TTN: variants seen among roughly 807,000 people sequenced by gnomAD.
TTN encodes titin.
TTN carries 1,525 observed loss-of-function variants against 3,223.0 expected under a neutral mutation model. That is an observed-to-expected ratio of 0.47 (90% CI 0.45 to 0.49). TTN has a LOEUF of 0.49. Ranked by LOEUF, TTN falls within the 20% of genes least tolerant of loss-of-function variation. The pLI is 0.00. For missense variants in TTN, 40,786 were observed against 43,424.0 expected, an observed-to-expected ratio of 0.94 and a Z score of 5.40; for synonymous variants, 14,094 against 15,161.0, an observed-to-expected ratio of 0.93 and a Z score of 5.17.
At chr2:178,527,912 A>T in intron 361 of TTN, 164 bp from the exon 362 acceptor site, 2 of 621,380 alleles carry the variant, frequency 3.2e-6, no homozygotes, top group South Asian at 2.8e-5. Context: ...TACATTTGTC[A>T]AGAGCTAGCT....
rs1368338710 is a variant in TTN at position 178,600,949 on chromosome 2, C to T, written c.55955G>A (p.Gly18652Asp). The T allele has an allele frequency of 1.2e-6, 2 of 1,613,006 alleles. No individual in the cohort carries two copies. Among genetic ancestry groups the T allele is most frequent in the African/African-American group, 1.3e-5 (1 of 74,968 alleles). ...TTTGACTCGGAATTCATATTCCCCA[C>T]CCTCTACTAGGTCTTCAACAGTAAA... ...LQFTVEDLVE[G>D]GEYEFRVKAV... The change falls in exon 288 of 363, where the codon GGT (glycine) becomes GAT (aspartate). Residue 18652 changes from glycine to aspartate, a missense_variant. Physicochemically the swap from Gly to Asp is moderately conservative, Grantham distance 94 (BLOSUM62 -1). Transcript: ENST00000589042.
chr2:178,597,866 GA>G, intron 293 of TTN, 41 bp downstream of exon 293: 1 of 1,612,414 alleles, frequency 6.2e-7, no homozygotes, highest in South Asian at 1.1e-5. Context: ...CCTTCAATCT[GA>G]AACATAAATA....
rs9808036 is a variant in TTN, at chr2:178,556,882, C to T, written c.88272G>A (p.Glu29424=). The change falls in exon 330 of 363, where the codon GAG becomes GAA. Residue 29424 remains glutamate, a synonymous_variant. Coordinates refer to ENST00000589042, the MANE Select transcript of TTN (RefSeq NM_001267550.2). ...NAVGSISNPS[E]VVGPITCIDS... Reference sequence around the variant, plus strand: ...CGATGCAAGTAATGGGCCCTACAACCTCAGATGGATTGCTAATGGAACCAA... The same window carrying T: ...CGATGCAAGTAATGGGCCCTACAACTTCAGATGGATTGCTAATGGAACCAA... The T allele has an allele frequency of 0.046, 74,626 of 1,613,688 alleles. 3,490 individuals carry two copies. The highest frequency in any genetic ancestry group is 0.18 in the Admixed American group (10,874 of 59,996).
chr2:178,708,922 G>T (rs1356384524), intron 99 of TTN, among the ~76,000 whole-genome samples: 11 of 152,130 alleles, frequency 7.2e-5, no homozygotes, highest in African/African-American at 2.7e-4. Flanking sequence ...CCATTACAGT[G>T]AAGAGAAACA....
chr2:178,766,990 T>C (rs938370348), intron 40 of TTN, among the ~76,000 whole-genome samples: 2 of 152,250 alleles, frequency 1.3e-5, no homozygotes, highest in African/African-American at 4.8e-5. Flanking sequence ...ATATGAATAA[T>C]AACTTTGTGG....
In TTN at chr2:178,620,167, A is replaced by G. The variant is rs749771984; in HGVS notation, c.46304+50T>C. 119 of 1,587,564 alleles carry G rather than the reference A, an allele frequency of 7.5e-5. No individual in the cohort carries two copies. The Admixed American group carries it at 2.2e-3, about 29-fold the overall frequency. On this transcript the variant is annotated intron_variant, in intron 248 of 362. Coordinates refer to ENST00000589042, the MANE Select transcript of TTN (RefSeq NM_001267550.2). Reference sequence around the variant, plus strand: ...TTGCAATGATGGCCACTAAATTGTCAAAAGTGTATATATAGCTACAGAAAT... The same window carrying G: ...TTGCAATGATGGCCACTAAATTGTCGAAAGTGTATATATAGCTACAGAAAT...
Position 178,734,687 on chromosome 2 carries a change from T to C in TTN, c.15217+20A>G, listed in dbSNP as rs1244123332. ...AATCTTTTCTCAGAAAAATACTGGA[T>C]GGAAACTCAGTAAACAAACCTTTGA... On this transcript the variant is annotated intron_variant, in intron 51 of 362. Transcript: ENST00000589042. 6.3e-7 allele frequency: 1 copy of C among 1,591,432 alleles called. No homozygotes were observed. The highest frequency in any genetic ancestry group is 8.6e-7 in the Non-Finnish European group (1 of 1,166,566).
Position 178,563,103 on chromosome 2 carries a change from G to T in TTN, c.83029C>A (p.Leu27677Ile), listed in dbSNP as rs1704290061. ...QERIEPPEIE[L>I]DADLRKVVVL... is the part of the protein sequence containing the mutation. Reference sequence around the variant, plus strand: ...ACCACCTTTCTGAGATCAGCATCGAGTTCTATTTCTGGTGGCTCTATCCTC... The same window carrying T: ...ACCACCTTTCTGAGATCAGCATCGATTTCTATTTCTGGTGGCTCTATCCTC... The change falls in exon 326 of 363, where the codon CTC (leucine) becomes ATC (isoleucine). Residue 27677 changes from leucine (L) to isoleucine (I), a missense_variant. By Grantham distance (5) the Leu-to-Ile change is conservative (BLOSUM62 2). Coordinates refer to ENST00000589042, the MANE Select transcript of TTN (RefSeq NM_001267550.2). The surrounding 1 kb of genome is among the most constrained non-coding windows in gnomAD (Gnocchi z 4.5). The T allele has an allele frequency of 6.2e-7, 1 of 1,613,614 alleles. No individual in the cohort carries two copies. The highest frequency in any genetic ancestry group is 8.5e-7 in the Non-Finnish European group (1 of 1,179,730).
In TTN at chr2:178,790,857, A is replaced by G; in HGVS notation, c.1663-12T>C. On this transcript the variant is annotated splice_polypyrimidine_tract_variant and intron_variant, in intron 10 of 362. Coordinates refer to ENST00000589042, the MANE Select transcript of TTN (RefSeq NM_001267550.2). ...GTTTCCTGTCTTATCTGATGTTTAGAGTAAAATAAAGATTTGAGTTTCAAA... is the reference window on the plus strand; with the variant it reads ...GTTTCCTGTCTTATCTGATGTTTAGGGTAAAATAAAGATTTGAGTTTCAAA... The G allele has an allele frequency of 5.6e-6, 9 of 1,613,872 alleles. No homozygotes were observed. The highest frequency in any genetic ancestry group is 7.6e-6 in the Non-Finnish European group (9 of 1,179,932).
chr2:178,663,817 A>G lies in TTN; in HGVS notation c.36448+2T>C, dbSNP rs1426178024. On this transcript the variant is annotated splice_donor_variant, in intron 170 of 362. Coordinates refer to ENST00000589042, the MANE Select transcript of TTN (RefSeq NM_001267550.2). LOFTEE classifies it high-confidence loss of function. Reference sequence around the variant, plus strand: ...CTGAAGCCTAAGGTCAGTGGCAACTACCTTTAACAGGTGGGACTTCAGGCT... The same window carrying G: ...CTGAAGCCTAAGGTCAGTGGCAACTGCCTTTAACAGGTGGGACTTCAGGCT... The G allele has an allele frequency of 1.9e-6, 3 of 1,613,470 alleles. No individual in the cohort carries two copies. The highest frequency in any genetic ancestry group is 2.7e-5 in the African/African-American group (2 of 74,926).
chr2:178,786,843 T>A (rs1034885287), intron 13 of TTN, among the ~76,000 whole-genome samples: 1 of 152,316 alleles, frequency 6.6e-6, no homozygotes, highest in African/African-American at 2.4e-5. Context: ...ACCTTTCACA[T>A]TGAAGTTTAA....
chr2:178,540,249 C>T lies in TTN; in HGVS notation c.97917G>A (p.Met32639Ile). 1 of 1,613,808 alleles carries T rather than the reference C, an allele frequency of 6.2e-7. No individual in the cohort carries two copies. Among genetic ancestry groups the T allele is most frequent in the South Asian group, 1.1e-5 (1 of 91,088 alleles). The change falls in exon 351 of 363, where the codon ATG (methionine) becomes ATA (isoleucine). Residue 32639 changes from methionine (M) to isoleucine (I), a missense_variant. Coordinates refer to ENST00000589042, the MANE Select transcript of TTN (RefSeq NM_001267550.2). The stretch of plus-strand genomic sequence containing the variant: ...TCCATTCATGTTGATCTACTTTTTG[C>T]ATTTCAATCAAGTAGCCTGTGACTT... ...GSKVTGYLIE[M>I]QKVDQHEWTK...
Position 178,647,453 on chromosome 2 carries a change from G to T in TTN, c.40069C>A (p.Pro13357Thr). Residue 13357 changes from proline (P) to threonine (T), a missense_variant, in exon 214 of 363, where the codon CCT becomes ACT. Pro to Thr is a conservative substitution (Grantham distance 38, BLOSUM62 -1). Coordinates refer to ENST00000589042, the MANE Select transcript of TTN (RefSeq NM_001267550.2). The part of the protein sequence containing the change: ...EVLPEKVPKV[P>T]EKIIPEKEVS... ...TCCTTTTCTGGGATGATTTTCTCAG[G>T]CACTTTGGGCACTTTAAAGATATGA... 6.5e-7 allele frequency: 1 copy of T among 1,549,514 alleles called. No homozygotes were observed. Among genetic ancestry groups the T allele is most frequent in the Non-Finnish European group, 8.7e-7 (1 of 1,146,342 alleles).
intron 78 of TTN, 28 bp from the exon 79 acceptor site, chr2:178,721,230 A>G: frequency 6.6e-7 from 1 of 1,525,844 alleles, no homozygotes; most frequent in South Asian, 1.3e-5. Flanking sequence ...ACAGTCAGTA[A>G]GGGATATTTA....
In TTN at chr2:178,647,050, A is replaced by G. The variant is rs1021813522; in HGVS notation, c.40222+14T>C. On this transcript the variant is annotated intron_variant, in intron 215 of 362. Coordinates refer to ENST00000589042, the MANE Select transcript of TTN (RefSeq NM_001267550.2). ...GGAGATTAAAAAAATGTATATATAT[A>G]TATATATATATACCTTCAACAGGGG... is the stretch of plus-strand genomic sequence containing the variant. 3.3e-6 allele frequency: 3 copies of G among 904,266 alleles called. No homozygotes were observed. In the African/African-American group the frequency reaches 5.2e-5, roughly 16 times the overall value. The allele number at this position is 904,266 out of a possible 1,614,324, so 56.0% of individuals were successfully genotyped here. A position where few individuals can be genotyped will look rare whatever the true frequency, so the allele number is the denominator to read the frequency against.
intron 180 of TTN, among the ~76,000 whole-genome samples, chr2:178,659,475 C>A (rs1402113926): frequency 6.8e-6 from 1 of 146,906 alleles, no homozygotes; most frequent in Non-Finnish European, 1.5e-5. Context: ...CAGAAAGGGC[C>A]TTTGACAAAA....
In TTN at chr2:178,582,520, G is replaced by T. The variant is rs773647071; in HGVS notation, c.65936C>A (p.Pro21979Gln). The change falls in exon 314 of 363, where the codon CCG (proline) becomes CAG (glutamine). Residue 21979 changes from proline (P) to glutamine (Q), a missense_variant. Transcript: ENST00000589042. ...TTCTGAGCCTCCATCTTCAAGAGGCGGTTCCCAAGAAAGCATAGCACGATC... is the reference window on the plus strand; with the variant it reads ...TTCTGAGCCTCCATCTTCAAGAGGCTGTTCCCAAGAAAGCATAGCACGATC... ...YSDRAMLSWE[P>Q]PLEDGGSEIT... 2 of 1,612,824 alleles carry T rather than the reference G, an allele frequency of 1.2e-6. No individual in the cohort carries two copies. The highest frequency in any genetic ancestry group is 1.7e-6 in the Non-Finnish European group (2 of 1,179,284).
At position 178,537,604 on chromosome 2, in the gene TTN, T is replaced by A; in HGVS notation, c.99603A>T (p.Pro33201=). The A allele has an allele frequency of 6.2e-7, 1 of 1,613,646 alleles. No homozygotes were observed. ...QATPQFHPGY[P]LKEKYYGAVG... The stretch of plus-strand genomic sequence containing the variant: ...CAGCTCCATAATATTTCTCTTTCAG[T>A]GGGTAACCAGGATGGAACTGCGGTG... The change falls in exon 355 of 363, where the codon CCA becomes CCT. Residue 33201 remains proline, a synonymous_variant. Coordinates refer to ENST00000589042, the MANE Select transcript of TTN (RefSeq NM_001267550.2).
At position 178,587,286 on chromosome 2, in the gene TTN, C is replaced by G; in HGVS notation, c.63925G>C (p.Asp21309His). 1 of 1,613,138 alleles carries G rather than the reference C, an allele frequency of 6.2e-7. No homozygotes were observed. The highest frequency in any genetic ancestry group is 8.5e-7 in the Non-Finnish European group (1 of 1,179,492). Residue 21309 changes from aspartate to histidine, a missense_variant, in exon 307 of 363, where the codon GAC becomes CAC. By Grantham distance (81) the Asp-to-His change is moderately conservative. Transcript: ENST00000589042. Reference sequence around the variant, plus strand: ...GTAACGGTCGACCATGTCTTTCTGTCTGCCTCACGTTTCTCCACGATATAA... The same window carrying G: ...GTAACGGTCGACCATGTCTTTCTGTGTGCCTCACGTTTCTCCACGATATAA... ...THYIVEKREA[D>H]RKTWSTVTPE...
Sources: gnomAD v4.1 joint callset for allele counts (sites outside exome capture counted in the v4.1 genomes callset) on GRCh38, gnomAD v4.1.1 for gene constraint, Gnocchi (gnomAD v3.1) non-coding constraint, MANE v1.5 for transcripts, NCBI Gene and HGNC (gene_info 2026-07-23, HGNC 2026-07-21) for gene names.